RELB: variants seen among roughly 807,000 people sequenced by gnomAD.
RELB encodes transcription factor RelB.
RELB carries 14 observed loss-of-function variants against 55.4 expected under a neutral mutation model. The ratio of observed to expected loss-of-function variants is 0.25; its 90% CI spans 0.17 to 0.40. The LOEUF is 0.40. Among genes scored for constraint, RELB ranks in the 10% least tolerant of loss-of-function variants. The probability of loss-of-function intolerance (pLI) is 1.00; values close to 1 mark genes in which losing one functional copy is unlikely to be tolerated. For missense variants in RELB, 669 were observed against 830.7 expected, an observed-to-expected ratio of 0.81 and a Z score of 2.39; for synonymous variants, 409 against 371.3, an observed-to-expected ratio of 1.10 and a Z score of -1.17.
chr19:45,027,600 C>T (rs2122473896), intron 7 of RELB, among the ~76,000 whole-genome samples: 1 of 152,258 alleles, frequency 6.6e-6, no homozygotes, highest in South Asian at 2.1e-4. Context: ...ATGCACTGCT[C>T]TGATTGGCCA....
Position 45,024,783 on chromosome 19 carries a change from C to T in RELB, c.663-546C>T, listed in dbSNP as rs527859740. The stretch of plus-strand genomic sequence containing the variant: ...CAGGATGGTGTCCCTCTCTTGACCT[C>T]GTGATCTGCCCACCTTGGCCTCCCA... On this transcript the variant is annotated intron_variant, in intron 5 of 11. Transcript: ENST00000221452. 2.0e-5 allele frequency among the ~76,000 whole-genome samples: 3 copies of T among 151,942 alleles called. No individual in the cohort carries two copies. The East Asian group carries it at 5.8e-4, about 30-fold the overall frequency.
intron 1 of RELB, 133 bp from the exon 2 acceptor site, chr19:45,002,816 G>T: frequency 4.5e-6 from 3 of 672,106 alleles, no homozygotes; most frequent in Non-Finnish European, 7.7e-6. Context: ...CCAGACGCAG[G>T]GGGGCAGTCA....
At position 45,037,719 on chromosome 19, in the gene RELB, A is replaced by T. The variant is rs983029542; in HGVS notation, c.1669A>T (p.Met557Leu). Residue 557 changes from methionine (M) to leucine (L), a missense_variant, in exon 12 of 12, where the codon ATG becomes TTG. Physicochemically the swap from Met to Leu is conservative, Grantham distance 15. Around this residue, in one of 3 missense-constraint regions of RELB, gnomAD observed 341 missense variants for 436.8 expected, o/e 0.78. Transcript: ENST00000221452. ...CACCGCCAGCCTTGTGGGCAGCAAC[A>T]TGTTCCCCAATCATTACCGCGAGGC... ...GGTASLVGSNMFPNHYREAAF... is the reference protein window; with the variant it reads ...GGTASLVGSNLFPNHYREAAF... 2.6e-6 allele frequency: 4 copies of T among 1,526,928 alleles called. No individual in the cohort carries two copies. The highest frequency in any genetic ancestry group is 3.5e-6 in the Non-Finnish European group (4 of 1,143,110). The allele number at this position is 1,526,928 out of a possible 1,614,324, so 94.6% of individuals were successfully genotyped here.
intron 2 of RELB, among the ~76,000 whole-genome samples, chr19:45,009,424 C>G (rs1971322680): frequency 6.6e-6 from 1 of 152,182 alleles, no homozygotes; most frequent in Non-Finnish European, 1.5e-5. Context: ...CTCCAGGACC[C>G]TGGGGTGGAC....
chr19:45,012,267 C>A lies in RELB; in HGVS notation c.495C>A (p.Pro165=), dbSNP rs1407697107. The change falls in exon 4 of 12, where the codon CCC becomes CCA. Residue 165 remains proline (P), a synonymous_variant. Transcript: ENST00000221452. ...GCACCGAGGCCAGCAAGACGCTGCC[C>A]GCCATCGAGGTGGGCCCGGCGAGCG... is the stretch of plus-strand genomic sequence containing the variant. The part of the protein sequence containing the change: ...ESSTEASKTL[P]AIELRDCGGL... 1.4e-6 allele frequency: 2 copies of A among 1,411,766 alleles called. No individual in the cohort carries two copies. Among genetic ancestry groups the A allele is most frequent in the Admixed American group, 3.0e-5 (1 of 33,380 alleles). 87.5% of individuals were successfully genotyped at this position (1,411,766 alleles called of 1,614,324 possible). A position where few individuals can be genotyped will look rare whatever the true frequency, so the allele number is the denominator to read the frequency against.
chr19:45,019,866 G>A (rs181933249), intron 4 of RELB, among the ~76,000 whole-genome samples: 7 of 152,054 alleles, frequency 4.6e-5, no homozygotes, highest in Admixed American at 1.3e-4. Context: ...TAGTAGAGAC[G>A]GTGTTTCTCC....
At chr19:45,022,536 T>C (rs557825834) in intron 5 of RELB, among the ~76,000 whole-genome samples, 88 of 146,640 alleles carry the variant, frequency 6.0e-4, no homozygotes, top group Non-Finnish European at 5.4e-4. Context: ...TTCTCTTACT[T>C]TACAATTCAT....
Position 45,020,236 on chromosome 19 carries a change from TTTC to T in RELB, c.505-1814_505-1812del, listed in dbSNP as rs1488083277. On this transcript the variant is annotated intron_variant, in intron 4 of 11. Coordinates refer to ENST00000221452, the MANE Select transcript of RELB (RefSeq NM_006509.4). ...CTTTCTCTCTCTCTCTTTTTTTTTT[TTTC>T]TTTTTTGAGACAGGGACTTTGTCAC... 1.1e-4 allele frequency among the ~76,000 whole-genome samples: 16 copies of T among 152,032 alleles called. No homozygotes were observed. The East Asian group carries it at 2.7e-3, about 26-fold the overall frequency.
intron 4 of RELB, among the ~76,000 whole-genome samples, chr19:45,019,239 T>C (rs980109338): frequency 2.6e-5 from 4 of 152,060 alleles, no homozygotes; most frequent in African/African-American, 9.7e-5. Flanking sequence ...ATTTTTGTAT[T>C]TTTTGTAGAG....
At chr19:45,016,519 G>C (rs769473621) in intron 4 of RELB, among the ~76,000 whole-genome samples, 2 of 152,126 alleles carry the variant, frequency 1.3e-5, no homozygotes, top group Non-Finnish European at 2.9e-5. Flanking sequence ...GTTGCGGTTG[G>C]TGAGGGGATT....
At chr19:45,027,106 G>A (rs1342888406) in intron 7 of RELB, among the ~76,000 whole-genome samples, 4 of 151,690 alleles carry the variant, frequency 2.6e-5, no homozygotes, top group Non-Finnish European at 5.9e-5. Flanking sequence ...CGTGGCGGGC[G>A]CCTGTAGTCC....
chr19:45,028,728 A>T (rs1971586494), intron 7 of RELB, among the ~76,000 whole-genome samples, 160 bp from the exon 8 acceptor site: 1 of 152,058 alleles, frequency 6.6e-6, no homozygotes, highest in Admixed American at 6.6e-5. Context: ...TTCTTTCTCC[A>T]CCTGGACTAT....
intron 4 of RELB, among the ~76,000 whole-genome samples, chr19:45,015,749 A>G (rs2122426868): frequency 6.6e-6 from 1 of 151,614 alleles, no homozygotes; most frequent in Non-Finnish European, 1.5e-5. Context: ...AAAAAAAAGA[A>G]AAAAGAAACA....
At chr19:45,014,257 C>T (rs943373911) in intron 4 of RELB, among the ~76,000 whole-genome samples, 2 of 151,084 alleles carry the variant, frequency 1.3e-5, no homozygotes, top group East Asian at 1.9e-4. Context: ...GCAGCCTCCA[C>T]CTCCCAGGCT....
At position 45,017,355 on chromosome 19, in the gene RELB, G is replaced by A. The variant is rs147981233; in HGVS notation, c.505-4698G>A. The stretch of plus-strand genomic sequence containing the variant: ...TAAAAAAGAAAAATCTGGGGAGGCC[G>A]AGGTGGGCGGACCACCTGAGGTTAG... On this transcript the variant is annotated intron_variant, in intron 4 of 11. Transcript: ENST00000221452. Among the ~76,000 whole-genome samples, 1,206 of 150,910 alleles carry A rather than the reference G, an allele frequency of 8.0e-3. 13 individuals are homozygous for A. The highest frequency in any genetic ancestry group is 0.034 in the South Asian group (163 of 4,776).
Position 45,028,962 on chromosome 19 carries a change from C to A in RELB, c.961C>A (p.Leu321Ile). The change falls in exon 8 of 12, where the codon CTC (leucine) becomes ATC (isoleucine). Residue 321 changes from leucine (L) to isoleucine (I), a missense_variant. By Grantham distance (5) the Leu-to-Ile change is conservative. Coordinates refer to ENST00000221452, the MANE Select transcript of RELB (RefSeq NM_006509.4). ...CGGGCCGTGCACCGGTGGCGAGGAG[C>A]TCTACTTGCTCTGCGACAAGGTGCA... The part of the protein sequence containing the change: ...ESGPCTGGEE[L>I]YLLCDKVQKE... The A allele has an allele frequency of 6.3e-7, 1 of 1,592,026 alleles. No individual in the cohort carries two copies. Among genetic ancestry groups the A allele is most frequent in the Non-Finnish European group, 8.5e-7 (1 of 1,170,022 alleles).
intron 2 of RELB, among the ~76,000 whole-genome samples, chr19:45,009,142 G>T (rs566018581): frequency 6.6e-6 from 1 of 152,118 alleles, no homozygotes; most frequent in Non-Finnish European, 1.5e-5. Flanking sequence ...GTGCAGTGAC[G>T]CAATCTCAGC....
At chr19:45,009,730 T>G in intron 2 of RELB, 84 bp from the exon 3 acceptor site, 1 of 1,483,864 alleles carries the variant, frequency 6.7e-7, no homozygotes, top group Non-Finnish European at 9.3e-7. Flanking sequence ...AGGGACAGGG[T>G]TGGGGAATCT....
chr19:45,009,599 C>T (rs1280537212), intron 2 of RELB, among the ~76,000 whole-genome samples: 1 of 152,084 alleles, frequency 6.6e-6, no homozygotes, highest in Non-Finnish European at 1.5e-5. Flanking sequence ...GATGCTGGGA[C>T]CCCAACATTA....
Sources: gnomAD v4.1 joint callset for allele counts (sites outside exome capture counted in the v4.1 genomes callset) on GRCh38, gnomAD v4.1.1 for gene constraint, gnomAD v4.1.1 regional missense constraint, MANE v1.5 for transcripts, NCBI Gene and HGNC (gene_info 2026-07-23, HGNC 2026-07-21) for gene names.